The following RBFOX1 variants were observed in gnomAD, a reference collection of about 807,000 sequenced individuals.
RBFOX1 encodes the protein RNA binding protein fox-1 homolog 1.
RBFOX1 carries 8 observed loss-of-function variants against 57.7 expected under a neutral mutation model. That is an observed-to-expected ratio of 0.14 (90% confidence interval 0.08 to 0.25). The LOEUF (loss-of-function observed/expected upper bound fraction) is 0.25, where lower values mean the gene tolerates loss of function less well. RBFOX1 is among the 10% of genes least tolerant of loss of function. The probability of loss-of-function intolerance (pLI) is 1.00; values close to 1 mark genes in which losing one functional copy is unlikely to be tolerated. For synonymous variants in RBFOX1, 326 were observed against 222.4 expected, an observed-to-expected ratio of 1.47 and a Z score of -4.15; for missense variants, 611 against 548.5, an observed-to-expected ratio of 1.11 and a Z score of -1.14.
intron 3 of RBFOX1, chr16:6,721,659 T>C (rs1422408842): frequency 1.3e-5 from 2 of 152,256 alleles, no homozygotes. Context: ...CTATTCTAGC[T>C]ACCTCATACA....
At chr16:6,610,438 C>A (rs2098028686) in intron 2 of RBFOX1, among the ~76,000 whole-genome samples, 1 of 152,088 alleles carries the variant, frequency 6.6e-6, no homozygotes, top group African/African-American at 2.4e-5. Context: ...AGTGATCCTC[C>A]CACTTCAGCC....
At chr16:6,092,963 C>T (rs180764120) in intron 1 of RBFOX1, 3 of 152,262 alleles carry the variant, frequency 2.0e-5, no homozygotes, top group African/African-American at 7.2e-5. Flanking sequence ...CTATCAGATG[C>T]TATGTTTATC....
At chr16:5,645,972 A>G (rs1363922136) in intron 3 of RBFOX1, among the ~76,000 whole-genome samples, 1 of 152,050 alleles carries the variant, frequency 6.6e-6, no homozygotes, top group Non-Finnish European at 1.5e-5. Context: ...AGTGAGTAGG[A>G]CTATAGGCAA....
intron 3 of RBFOX1, among the ~76,000 whole-genome samples, chr16:6,776,442 C>G (rs1318467050): frequency 6.6e-6 from 1 of 151,676 alleles, no homozygotes; most frequent in Non-Finnish European, 1.5e-5. Context: ...AACAAACAAA[C>G]AAACAAAAAA....
intron 2 of RBFOX1, among the ~76,000 whole-genome samples, chr16:5,509,988 A>G (rs891397800): frequency 3.3e-5 from 5 of 152,186 alleles, no homozygotes; most frequent in African/African-American, 1.2e-4. Flanking sequence ...GCTTGGAGCC[A>G]GAGTGCCTGT....
At chr16:5,934,977 C>T (rs956462076) in intron 4 of RBFOX1, among the ~76,000 whole-genome samples, 1 of 152,186 alleles carries the variant, frequency 6.6e-6, no homozygotes, top group African/African-American at 2.4e-5. Flanking sequence ...TGGCCTCCCC[C>T]AGAGAGATCA....
intron 2 of RBFOX1, among the ~76,000 whole-genome samples, chr16:5,473,918 G>C (rs1254223611): frequency 4.0e-5 from 6 of 149,946 alleles, no homozygotes; most frequent in African/African-American, 1.5e-4. Flanking sequence ...AAGGAAGGAA[G>C]GGTGGGTGGG....
chr16:7,332,739 C>T (rs1278357037), intron 4 of RBFOX1: 3 of 1,337,910 alleles, frequency 2.2e-6, no homozygotes, highest in Non-Finnish European at 2.9e-6. Flanking sequence ...GCAAGCTGTT[C>T]CCAAAATAGC....
rs374091596 is a variant in RBFOX1 at position 7,653,879 on chromosome 16, C to T, written c.822C>T (p.Gly274=). Residue 274 remains glycine (G), a synonymous_variant, in exon 12 of 16, where the codon GGC becomes GGT. Coordinates refer to ENST00000550418, the MANE Select transcript of RBFOX1 (RefSeq NM_018723.4). ...AAAYRGAHLR[G]RGRTVYNTFR... ...CCTACCGAGGGGCGCACCTGCGAGG[C>T]CGCGGTCGCACCGTGTACAACACCT... The T allele has an allele frequency of 3.7e-6, 6 of 1,602,338 alleles. No individual in the cohort carries two copies. Among genetic ancestry groups the T allele is most frequent in the African/African-American group, 2.7e-5 (2 of 74,854 alleles).
At chr16:6,447,805 C>A (rs945914109) in intron 2 of RBFOX1, among the ~76,000 whole-genome samples, 1 of 152,050 alleles carries the variant, frequency 6.6e-6, no homozygotes, top group African/African-American at 2.4e-5. Flanking sequence ...TTCATCATTC[C>A]CAAAGAAGAG....
At chr16:6,956,837 G>A (rs2081951834) in intron 3 of RBFOX1, among the ~76,000 whole-genome samples, 1 of 152,168 alleles carries the variant, frequency 6.6e-6, no homozygotes, top group African/African-American at 2.4e-5. Context: ...GCTATCCAAG[G>A]ATTTGGATGG....
intron 1 of RBFOX1, among the ~76,000 whole-genome samples, chr16:6,164,223 A>G (rs17139486): frequency 0.045 from 6,777 of 152,272 alleles, 289 homozygotes; most frequent in African/African-American, 0.12. Context: ...AAAATCAGGC[A>G]GATATTTGTA....
chr16:5,826,909 G>C (rs920329504), intron 3 of RBFOX1, among the ~76,000 whole-genome samples: 6 of 152,196 alleles, frequency 3.9e-5, no homozygotes, highest in African/African-American at 1.4e-4. Flanking sequence ...TTGACCAATA[G>C]TGTTGGAAAT....
At chr16:6,272,600 A>G (rs1263760258) in intron 1 of RBFOX1, among the ~76,000 whole-genome samples, 1 of 152,220 alleles carries the variant, frequency 6.6e-6, no homozygotes, top group African/African-American at 2.4e-5. Flanking sequence ...TAAAATATAA[A>G]TGAAAGTGCC....
intron 4 of RBFOX1, among the ~76,000 whole-genome samples, chr16:7,188,525 T>C (rs985506251): frequency 1.3e-5 from 2 of 152,196 alleles, no homozygotes; most frequent in African/African-American, 4.8e-5. Flanking sequence ...TGTGTGTGGG[T>C]GTCTGCACCT....
At chr16:6,790,490 C>T (rs1214340710) in intron 3 of RBFOX1, among the ~76,000 whole-genome samples, 3 of 152,026 alleles carry the variant, frequency 2.0e-5, no homozygotes, top group Non-Finnish European at 2.9e-5. Context: ...TGGCGCCCTC[C>T]ATCGTTCTTT....
intron 1 of RBFOX1, among the ~76,000 whole-genome samples, chr16:5,276,267 A>C (rs941189218): frequency 2.0e-5 from 3 of 152,166 alleles, no homozygotes; most frequent in African/African-American, 7.2e-5. Flanking sequence ...GTGGGAGAAA[A>C]TTTTCACAAA....
intron 2 of RBFOX1, among the ~76,000 whole-genome samples, chr16:6,450,867 A>ATG: frequency 9.6e-6 from 1 of 103,908 alleles, no homozygotes; most frequent in East Asian, 2.4e-4. Context: ...ATATATATAT[A>ATG]TATATATCTC....
chr16:5,756,683 A>G (rs1471339209), intron 3 of RBFOX1, among the ~76,000 whole-genome samples: 1 of 152,238 alleles, frequency 6.6e-6, no homozygotes, highest in East Asian at 1.9e-4. Context: ...AATTTCCTCA[A>G]TTTGTACTTC....
Sources: gnomAD v4.1 joint callset for allele counts (sites outside exome capture counted in the v4.1 genomes callset) on GRCh38, gnomAD v4.1.1 for gene constraint, MANE v1.5 for transcripts, NCBI Gene and HGNC (gene_info 2026-07-23, HGNC 2026-07-21) for gene names.